HMG20A: variants seen among roughly 807,000 people sequenced by gnomAD.
HMG20A encodes the protein high mobility group protein 20A.
Under a neutral mutation model 43.9 loss-of-function variants are expected in HMG20A, and 17 were observed. The observed-to-expected ratio is 0.39, with a 90% confidence interval of 0.27 to 0.58. The LOEUF (loss-of-function observed/expected upper bound fraction) is 0.58. HMG20A is among the 20% of genes least tolerant of loss of function. HMG20A has a pLI of 0.59. For synonymous variants in HMG20A, 132 were observed against 147.5 expected (o/e 0.89, Z 0.76); for missense variants, 341 against 438.2 (o/e 0.78, Z 1.98).
At chr15:77,421,567 C>T (rs2073343914) in intron 1 of HMG20A, among the ~76,000 whole-genome samples, 3 of 152,158 alleles carry the variant, frequency 2.0e-5, no homozygotes, top group African/African-American at 7.2e-5. Context: ...AGTGTGGTGC[C>T]CTCTGCCTTG....
intron 1 of HMG20A, among the ~76,000 whole-genome samples, chr15:77,446,015 G>T (rs912370005): frequency 6.6e-6 from 1 of 152,138 alleles, no homozygotes; most frequent in East Asian, 1.9e-4. Flanking sequence ...GTTGCTTTTC[G>T]CAGACTCCAG....
At chr15:77,485,851 G>A (rs773364861), downstream of HMG20A, among the ~76,000 whole-genome samples, 3 of 152,244 alleles carry the variant, frequency 2.0e-5, no homozygotes, top group Non-Finnish European at 4.4e-5. Flanking sequence ...AGAATCACTT[G>A]AACTTGGGAG....
chr15:77,516,377 G>A, the HMG20A span, among the ~76,000 whole-genome samples: 1 of 152,222 alleles, frequency 6.6e-6, no homozygotes, highest in Non-Finnish European at 1.5e-5. Context: ...TCGGGAGACT[G>A]AGGTGGGAGG....
At position 77,484,884 on chromosome 15, in the gene HMG20A, C is replaced by G. The variant is rs539853546; in HGVS notation, c.*1921C>G. 1 of 152,314 alleles carries G rather than the reference C, an allele frequency of 6.6e-6. No individual in the cohort carries two copies. Among genetic ancestry groups the G allele is most frequent in the East Asian group, 1.9e-4 (1 of 5,174 alleles). 9.4% of individuals were successfully genotyped at this position (152,314 alleles called of 1,614,324 possible). A position where few individuals can be genotyped will look rare whatever the true frequency, so the allele number is the denominator to read the frequency against. ...TTTTGTTTTTTCCTTCTGCCAGATG[C>G]TTTGTGTCCTGTCTTCCTTCCTCCT... On this transcript the variant is annotated 3_prime_UTR_variant, in exon 10 of 10. Transcript: ENST00000336216.
chr15:77,464,353 C>A lies in HMG20A; in HGVS notation c.203C>A (p.Ala68Glu), dbSNP rs1202605522. The A allele has an allele frequency of 6.2e-7, 1 of 1,613,652 alleles. No individual in the cohort carries two copies. The highest frequency in any genetic ancestry group is 1.3e-5 in the African/African-American group (1 of 74,886). Reference protein sequence around the residue: ...GQLLQSESSNAAEGNEQRHED... With the variant: ...GQLLQSESSNEAEGNEQRHED... ...TTGCTTCAGAGTGAGTCTTCAAATG[C>A]AGCAGAAGGCAATGAACAGAGGCAT... The change falls in exon 3 of 10, where the codon GCA becomes GAA. Residue 68 changes from alanine (A) to glutamate (E), a missense_variant. Around this residue, in one of 3 missense-constraint regions of HMG20A, gnomAD observed 220 missense variants for 263.6 expected, o/e 0.83. Transcript: ENST00000336216.
At chr15:77,512,839 C>T in the HMG20A span, among the ~76,000 whole-genome samples, 8 of 152,042 alleles carry the variant, frequency 5.3e-5, no homozygotes, top group African/African-American at 1.9e-4. Context: ...ACTGGTGAAG[C>T]CTGGTAGATA....
At chr15:77,508,022 C>T in the HMG20A span, among the ~76,000 whole-genome samples, 1 of 152,224 alleles carries the variant, frequency 6.6e-6, no homozygotes, top group Admixed American at 6.5e-5. Flanking sequence ...GCAAGTAGCC[C>T]GCTGCACCCA....
downstream of HMG20A, among the ~76,000 whole-genome samples, chr15:77,487,454 G>A (rs867872284): frequency 2.0e-5 from 3 of 152,156 alleles, no homozygotes; most frequent in Non-Finnish European, 4.4e-5. Context: ...ATGTACTTCC[G>A]TGATACTTTT....
chr15:77,428,458 A>T (rs762165300), intron 1 of HMG20A, among the ~76,000 whole-genome samples: 1 of 152,258 alleles, frequency 6.6e-6, no homozygotes, highest in African/African-American at 2.4e-5. Context: ...AAGATAAGAT[A>T]TTCAAAGCAT....
At chr15:77,441,154 A>T (rs2073608753) in intron 1 of HMG20A, among the ~76,000 whole-genome samples, 1 of 152,146 alleles carries the variant, frequency 6.6e-6, no homozygotes, top group African/African-American at 2.4e-5. Flanking sequence ...CATTTATAGG[A>T]TAAGAAAACC....
intron 6 of HMG20A, among the ~76,000 whole-genome samples, chr15:77,475,023 T>G (rs1225123934): frequency 6.6e-6 from 1 of 152,176 alleles, no homozygotes; most frequent in Non-Finnish European, 1.5e-5. Flanking sequence ...CTATATCTCA[T>G]GTGAAAACTA....
In HMG20A at chr15:77,468,223, A is replaced by C. The variant is rs2072773901; in HGVS notation, c.450+916A>C. Among the ~76,000 whole-genome samples, 2 of 152,204 alleles carry C rather than the reference A, an allele frequency of 1.3e-5. 1 individual carries two copies. The highest frequency in any genetic ancestry group is 4.1e-4 in the South Asian group (2 of 4,834). On this transcript the variant is annotated intron_variant, in intron 4 of 9. Transcript: ENST00000336216. ...TATAAAAGGATAGTGGGCTGTACATACTATGCTATTCTTTTCTTTTTTTTC... is the reference window on the plus strand; with the variant it reads ...TATAAAAGGATAGTGGGCTGTACATCCTATGCTATTCTTTTCTTTTTTTTC...
intron 1 of HMG20A, among the ~76,000 whole-genome samples, chr15:77,427,065 G>C (rs770415175): frequency 1.3e-5 from 2 of 152,022 alleles, no homozygotes; most frequent in Non-Finnish European, 2.9e-5. Flanking sequence ...TCTGTGTTAC[G>C]GTCAGCTGAG....
chr15:77,471,945 A>C (rs2072813175), intron 6 of HMG20A, 131 bp downstream of exon 6: 1 of 546,732 alleles, frequency 1.8e-6, no homozygotes, highest in East Asian at 3.3e-5. Flanking sequence ...ATTAAATGAG[A>C]TACTTTAGCT....
chr15:77,503,899 T>C, the HMG20A span, among the ~76,000 whole-genome samples: 1 of 152,170 alleles, frequency 6.6e-6, no homozygotes, highest in Admixed American at 6.5e-5. Context: ...GTGCACAACC[T>C]GTACAGCTGC....
chr15:77,464,538 C>T (rs1265802428), intron 3 of HMG20A, 151 bp downstream of exon 3: 13 of 596,778 alleles, frequency 2.2e-5, no homozygotes, highest in Middle Eastern at 4.0e-4. Context: ...TTGTTTTATA[C>T]GGAACCATAT....
chr15:77,499,527 T>C, the HMG20A span, among the ~76,000 whole-genome samples: 2 of 151,080 alleles, frequency 1.3e-5, no homozygotes, highest in African/African-American at 4.9e-5. Flanking sequence ...CACAGAATGC[T>C]CCCCCCCACA....
chr15:77,424,961 G>GA (rs953792759), intron 1 of HMG20A, among the ~76,000 whole-genome samples: 1 of 151,808 alleles, frequency 6.6e-6, no homozygotes, highest in African/African-American at 2.4e-5. Context: ...CCTCTGGGGG[G>GA]AAAAAAATCT....
rs1182687594 is a variant in HMG20A at position 77,473,791 on chromosome 15, A to G, written c.615+1977A>G. ...GGATTAGACACATGTTAAACCAAAC[A>G]AAAAAAAGGAGTGAGTAGATGGAGA... On this transcript the variant is annotated intron_variant, in intron 6 of 9. Transcript: ENST00000336216. Among the ~76,000 whole-genome samples, 4 of 129,074 alleles carry G rather than the reference A, an allele frequency of 3.1e-5. No individual in the cohort carries two copies. The South Asian group carries it at 9.2e-4, about 30-fold the overall frequency. 84.7% of individuals were successfully genotyped at this position (129,074 alleles called of 152,430 possible).
Sources: allele counts gnomAD v4.1 joint callset (sites outside exome capture counted in the v4.1 genomes callset), GRCh38; gene constraint gnomAD v4.1.1; regional missense constraint gnomAD v4.1.1; transcripts MANE v1.5; gene names NCBI Gene and HGNC (gene_info 2026-07-23, HGNC 2026-07-21).